The following FBXO40 variants were observed in gnomAD, a reference collection of about 807,000 sequenced individuals.
FBXO40 encodes the protein F-box protein 40.
Under a neutral mutation model 49.9 loss-of-function variants are expected in FBXO40, and 50 were observed. The ratio of observed to expected loss-of-function variants is 1.00; its 90% CI spans 0.80 to 1.27. FBXO40 has a LOEUF of 1.27. Among genes scored for constraint, FBXO40 ranks in the 50% most tolerant of loss-of-function variants. The pLI, the probability that FBXO40 is intolerant of heterozygous loss-of-function variation, is 0.00. For synonymous variants in FBXO40, 340 were observed against 320.2 expected (o/e 1.06, Z -0.66); for missense variants, 895 against 870.1 (o/e 1.03, Z -0.36).
intron 3 of FBXO40, among the ~76,000 whole-genome samples, chr3:121,623,836 G>C (rs1282799520): frequency 3.3e-5 from 5 of 151,698 alleles, no homozygotes; most frequent in Admixed American, 6.6e-5. Context: ...TTACAGGCGT[G>C]CACTGTCACA....
intron 1 of FBXO40, among the ~76,000 whole-genome samples, chr3:121,610,963 T>C (rs1298017073): frequency 6.6e-6 from 1 of 152,230 alleles, no homozygotes; most frequent in Non-Finnish European, 1.5e-5. Flanking sequence ...TACCTCCTAC[T>C]GGATAGATGT....
chr3:121,605,270 C>T (rs973609809), intron 1 of FBXO40, among the ~76,000 whole-genome samples: 1 of 152,130 alleles, frequency 6.6e-6, no homozygotes, highest in African/African-American at 2.4e-5. Context: ...TGTCCAGTGA[C>T]CTGGGGTCAA....
intron 1 of FBXO40, among the ~76,000 whole-genome samples, chr3:121,614,391 G>A (rs1340240864): frequency 1.3e-5 from 2 of 151,144 alleles, no homozygotes; most frequent in African/African-American, 2.4e-5. Flanking sequence ...GCAGTGAGCC[G>A]AAATCGCACC....
rs140154336 is a variant in FBXO40 at position 121,623,186 on chromosome 3, G to C, written c.1757G>C (p.Gly586Ala). ...CTGGAGATTTTGAAGTACATTGCTG[G>C]GTTCTTGGACAGCGTCAGCCTGGCC... ...LPLEILKYIA[G>A]FLDSVSLAQL... Residue 586 changes from glycine (G) to alanine (A), a missense_variant, in exon 3 of 4, where the codon GGG becomes GCG. Physicochemically the swap from Gly to Ala is moderately conservative, Grantham distance 60 (BLOSUM62 0). Transcript: ENST00000338040. 5 of 1,614,024 alleles carry C rather than the reference G, an allele frequency of 3.1e-6. No individual in the cohort carries two copies. The highest frequency in any genetic ancestry group is 4.2e-6 in the Non-Finnish European group (5 of 1,180,036).
chr3:121,622,098 C>A lies in FBXO40; in HGVS notation c.669C>A (p.Ser223Arg), dbSNP rs1250306962. 6.2e-7 allele frequency: 1 copy of A among 1,614,190 alleles called. No individual in the cohort carries two copies. The highest frequency in any genetic ancestry group is 8.5e-7 in the Non-Finnish European group (1 of 1,180,042). Residue 223 changes from serine (S) to arginine (R), a missense_variant, in exon 3 of 4, where the codon AGC becomes AGA. Coordinates refer to ENST00000338040, the MANE Select transcript of FBXO40 (RefSeq NM_016298.4). Reference protein sequence around the residue: ...VKFGQWENIFSKEHAASALTN... With the variant: ...VKFGQWENIFRKEHAASALTN... ...TTGGCCAGTGGGAAAATATTTTCAG[C>A]AAAGAGCACGCAGCCTCTGCTTTAA...
Position 121,622,320 on chromosome 3 carries a change from A to C in FBXO40, c.891A>C (p.Arg297Ser). Residue 297 changes from arginine to serine, a missense_variant, in exon 3 of 4, where the codon AGA becomes AGC. Coordinates refer to ENST00000338040, the MANE Select transcript of FBXO40 (RefSeq NM_016298.4). ...LAPWQDGVLE[R>S]LKTAVDAKDY... ...CTTGGCAGGATGGTGTTCTGGAAAGACTGAAAACAGCTGTGGATGCAAAGG... is the reference window on the plus strand; with the variant it reads ...CTTGGCAGGATGGTGTTCTGGAAAGCCTGAAAACAGCTGTGGATGCAAAGG... The C allele has an allele frequency of 6.2e-7, 1 of 1,614,230 alleles. No individual in the cohort carries two copies. Among genetic ancestry groups the C allele is most frequent in the Non-Finnish European group, 8.5e-7 (1 of 1,180,044 alleles).
chr3:121,599,792 C>T (rs1243310803), intron 1 of FBXO40, among the ~76,000 whole-genome samples: 5 of 144,508 alleles, frequency 3.5e-5, no homozygotes, highest in Admixed American at 2.1e-4. Flanking sequence ...GCACAATCTC[C>T]ACTCACTGCA....
At chr3:121,614,303 G>A (rs1265297712) in intron 1 of FBXO40, among the ~76,000 whole-genome samples, 3 of 150,304 alleles carry the variant, frequency 2.0e-5, no homozygotes, top group Non-Finnish European at 3.0e-5. Flanking sequence ...TTAGCTGGGC[G>A]TGGTGGTGTG....
intron 1 of FBXO40, among the ~76,000 whole-genome samples, chr3:121,615,562 T>TAAAAAAAA (rs34194992): frequency 5.4e-5 from 7 of 128,958 alleles, no homozygotes; most frequent in Admixed American, 1.6e-4. Flanking sequence ...GACTGTGTCT[T>TAAAAAAAA]AAAAAAAAAA....
rs779097611 is a variant in FBXO40 at position 121,623,179 on chromosome 3, A to C, written c.1750A>C (p.Ile584Leu). The part of the protein sequence containing the change: ...TSLPLEILKY[I>L]AGFLDSVSLA... Reference sequence around the variant, plus strand: ...CCTGCCCCTGGAGATTTTGAAGTACATTGCTGGGTTCTTGGACAGCGTCAG... The same window carrying C: ...CCTGCCCCTGGAGATTTTGAAGTACCTTGCTGGGTTCTTGGACAGCGTCAG... Residue 584 changes from isoleucine (I) to leucine (L), a missense_variant, in exon 3 of 4, where the codon ATT becomes CTT. Ile to Leu is a conservative substitution (Grantham distance 5). Coordinates refer to ENST00000338040, the MANE Select transcript of FBXO40 (RefSeq NM_016298.4). 3 of 1,614,152 alleles carry C rather than the reference A, an allele frequency of 1.9e-6. No individual in the cohort carries two copies. The highest frequency in any genetic ancestry group is 8.5e-7 in the Non-Finnish European group (1 of 1,179,986).
rs909232803 is a variant in FBXO40 at position 121,621,878 on chromosome 3, C to G, written c.449C>G (p.Thr150Ser). The part of the protein sequence containing the change: ...SLKMVELFPE[T>S]REATEEEPTM... ...AAAATGGTGGAACTTTTCCCAGAAA[C>G]TAGAGAGGCTACTGAGGAGGAACCA... is the stretch of plus-strand genomic sequence containing the variant. Residue 150 changes from threonine (T) to serine (S), a missense_variant, in exon 3 of 4, where the codon ACT (threonine) becomes AGT (serine). Physicochemically the swap from Thr to Ser is moderately conservative, Grantham distance 58 (BLOSUM62 1). Coordinates refer to ENST00000338040, the MANE Select transcript of FBXO40 (RefSeq NM_016298.4). 1.2e-6 allele frequency: 2 copies of G among 1,614,162 alleles called. No individual in the cohort carries two copies. The highest frequency in any genetic ancestry group is 4.5e-5 in the East Asian group (2 of 44,882).
chr3:121,600,982 A>G (rs2048898550), intron 1 of FBXO40, among the ~76,000 whole-genome samples: 1 of 152,188 alleles, frequency 6.6e-6, no homozygotes, highest in Non-Finnish European at 1.5e-5. Flanking sequence ...AACCAATGAT[A>G]TATCTAATTT....
intron 1 of FBXO40, among the ~76,000 whole-genome samples, chr3:121,605,682 A>T (rs1029777109): frequency 1.3e-5 from 2 of 152,162 alleles, no homozygotes; most frequent in Non-Finnish European, 2.9e-5. Flanking sequence ...AGTGCAAGAA[A>T]CTTTTCTGTG....
intron 1 of FBXO40, among the ~76,000 whole-genome samples, chr3:121,603,453 C>T (rs1483072964): frequency 1.3e-5 from 2 of 152,194 alleles, no homozygotes; most frequent in Non-Finnish European, 2.9e-5. Context: ...TTATCGATGA[C>T]CATCAATCCT....
intron 1 of FBXO40, among the ~76,000 whole-genome samples, chr3:121,599,394 G>A (rs2048889230): frequency 6.6e-6 from 1 of 151,370 alleles, no homozygotes. Flanking sequence ...CTTGAACCAG[G>A]GAGGTGGAGG....
At chr3:121,616,556 T>C (rs923984562) in intron 1 of FBXO40, among the ~76,000 whole-genome samples, 1 of 152,260 alleles carries the variant, frequency 6.6e-6, no homozygotes, top group African/African-American at 2.4e-5. Context: ...ATGTGGCTTG[T>C]GACTTTCATA....
In FBXO40 at chr3:121,629,269, T is replaced by C. The variant is rs1374047555; in HGVS notation, c.*2359T>C. 6.6e-6 allele frequency: 1 copy of C among 152,248 alleles called. No individual in the cohort carries two copies. The allele number at this position is 152,248 out of a possible 1,614,324, so 9.4% of individuals were successfully genotyped here. A position where few individuals can be genotyped will look rare whatever the true frequency, so the allele number is the denominator to read the frequency against. ...CATCCTTTGGTTTGTATTTCATATT[T>C]GTATATAAGGCACCATTTTCTAAAA... On this transcript the variant is annotated 3_prime_UTR_variant, in exon 4 of 4. Transcript: ENST00000338040.
intron 1 of FBXO40, among the ~76,000 whole-genome samples, chr3:121,603,781 C>A (rs1355473203): frequency 6.6e-6 from 1 of 152,072 alleles, no homozygotes; most frequent in African/African-American, 2.4e-5. Context: ...TGCAGTGGCA[C>A]GATCTCAGCT....
At chr3:121,597,956 C>T (rs2048881271) in intron 1 of FBXO40, among the ~76,000 whole-genome samples, 1 of 152,184 alleles carries the variant, frequency 6.6e-6, no homozygotes, top group African/African-American at 2.4e-5. Flanking sequence ...AGCCACCGTG[C>T]CCTGCTTATA....
Sources: allele counts gnomAD v4.1 joint callset (sites outside exome capture counted in the v4.1 genomes callset), GRCh38; gene constraint gnomAD v4.1.1; transcripts MANE v1.5; gene names NCBI Gene and HGNC (gene_info 2026-07-23, HGNC 2026-07-21).